The following CUX2 variants were observed in gnomAD, a reference collection of about 807,000 sequenced individuals.
CUX2 encodes the protein homeobox protein cut-like 2.
In CUX2, 40 loss-of-function variants were observed where a neutral mutation model predicts 144.8. The observed-to-expected ratio is 0.28, with a 90% CI of 0.21 to 0.36. The LOEUF is 0.36. Among genes scored for constraint, CUX2 ranks in the 10% least tolerant of loss-of-function variants. The pLI, the probability that CUX2 is intolerant of heterozygous loss-of-function variation, is 1.00. For missense variants in CUX2, 1,615 were observed against 1,994.0 expected, an observed-to-expected ratio of 0.81 and a Z score of 3.62; for synonymous variants, 827 against 875.6, an observed-to-expected ratio of 0.94 and a Z score of 0.98.
At chr12:111,148,097 T>C (rs1876811760) in intron 1 of CUX2, among the ~76,000 whole-genome samples, 1 of 152,202 alleles carries the variant, frequency 6.6e-6, no homozygotes, top group Middle Eastern at 3.2e-3. Flanking sequence ...CAGCAGCATT[T>C]TTCACAAGAG....
chr12:111,122,003 C>T (rs1030363047), intron 1 of CUX2, among the ~76,000 whole-genome samples: 1 of 152,124 alleles, frequency 6.6e-6, no homozygotes, highest in Admixed American at 6.5e-5. Context: ...AAAACACCAT[C>T]CTCCATCCCT....
intron 1 of CUX2, among the ~76,000 whole-genome samples, chr12:111,163,146 C>T (rs1043956916): frequency 6.6e-6 from 1 of 152,110 alleles, no homozygotes; most frequent in South Asian, 2.1e-4. Context: ...CACTCCTAAC[C>T]TCTTCATGCC....
chr12:111,049,535 G>T (rs1490588798), intron 1 of CUX2, among the ~76,000 whole-genome samples: 1 of 152,262 alleles, frequency 6.6e-6, no homozygotes, highest in South Asian at 2.1e-4. Flanking sequence ...GAGCTGTGGG[G>T]AACAAGAGGG....
chr12:111,248,107 G>A (rs1480687106), intron 3 of CUX2, among the ~76,000 whole-genome samples: 1 of 152,082 alleles, frequency 6.6e-6, no homozygotes, highest in African/African-American at 2.4e-5. Flanking sequence ...CACCATGTTG[G>A]CCAGGCTGGT....
intron 1 of CUX2, chr12:111,099,866 C>T (rs1225515081): frequency 2.3e-6 from 1 of 431,358 alleles, no homozygotes; most frequent in African/African-American, 2.0e-5. Flanking sequence ...CCGTCTGGCT[C>T]AATCGAGAGC....
intron 1 of CUX2, among the ~76,000 whole-genome samples, chr12:111,108,852 A>C (rs1038584640): frequency 6.6e-6 from 1 of 151,818 alleles, no homozygotes; most frequent in Non-Finnish European, 1.5e-5. Flanking sequence ...GTGCATCTTC[A>C]TGGTGTCATT....
At position 111,312,664 on chromosome 12, in the gene CUX2, C is replaced by T. The variant is rs913409786; in HGVS notation, c.2002+463C>T. Among the ~76,000 whole-genome samples the T allele has an allele frequency of 2.0e-5, 3 of 151,998 alleles. No individual in the cohort carries two copies. The highest frequency in any genetic ancestry group is 2.0e-4 in the Admixed American group (3 of 15,272). On this transcript the variant is annotated intron_variant, in intron 16 of 21. Coordinates refer to ENST00000261726, the MANE Select transcript of CUX2 (RefSeq NM_015267.4). The surrounding 1 kb of genome is among the most constrained non-coding windows in gnomAD (Gnocchi z 4.3). Reference sequence around the variant, plus strand: ...GCAGTGAGCCGAGATCACACCACTGCACTCCAGCCTAGGTGACAAAGCAAG... The same window carrying T: ...GCAGTGAGCCGAGATCACACCACTGTACTCCAGCCTAGGTGACAAAGCAAG...
intron 1 of CUX2, among the ~76,000 whole-genome samples, chr12:111,090,810 C>G (rs1413751626): frequency 6.6e-6 from 1 of 152,068 alleles, no homozygotes; most frequent in Non-Finnish European, 1.5e-5. Flanking sequence ...AACAGAGATG[C>G]TACTTCTCAC....
intron 19 of CUX2, among the ~76,000 whole-genome samples, chr12:111,336,942 A>G (rs1251164885): frequency 1.3e-5 from 2 of 151,896 alleles, no homozygotes; most frequent in Non-Finnish European, 2.9e-5. Context: ...TGGGAGGCCG[A>G]GGCGGGAGGA....
Position 111,035,362 on chromosome 12 carries a change from C to T in CUX2, c.63+1122C>T, listed in dbSNP as rs750808437. Among the ~76,000 whole-genome samples, 4 of 152,294 alleles carry T rather than the reference C, an allele frequency of 2.6e-5. No homozygotes were observed. The highest frequency in any genetic ancestry group is 3.4e-3 in the Middle Eastern group (1 of 292). On this transcript the variant is annotated intron_variant, in intron 1 of 21. Transcript: ENST00000261726. This position sits in a 1 kb window ranked among gnomAD's most constrained non-coding sequence, Gnocchi z 6.0. The stretch of plus-strand genomic sequence containing the variant: ...GTGTTCTCTGCGGACCCCGTAGGAG[C>T]CGGGGCTGGGAGGTGGAATCTCAGA...
At chr12:111,285,697 ATTTTT>A (rs1885345241) in intron 4 of CUX2, among the ~76,000 whole-genome samples, 1 of 151,842 alleles carries the variant, frequency 6.6e-6, no homozygotes, top group Admixed American at 6.6e-5. Context: ...CAGTGCCTCC[ATTTTT>A]CCGTGTGGGA....
chr12:111,291,463 T>G lies in CUX2; in HGVS notation c.347T>G (p.Leu116Arg). The change falls in exon 5 of 22, where the codon CTG becomes CGG. Residue 116 changes from leucine to arginine, a missense_variant. Leu to Arg is a moderately radical substitution (Grantham distance 102). This residue lies in a region of CUX2 where 295 missense variants were observed against 400.2 expected (regional missense o/e 0.74). Transcript: ENST00000261726. Reference protein sequence around the residue: ...FEAARSLDDRLQPPSFDPSGQ... With the variant: ...FEAARSLDDRRQPPSFDPSGQ... ...GCGGCACGCAGCCTAGACGACAGACTGCAGCCCCCCAGCTTTGACCCCAGT... is the reference window on the plus strand; with the variant it reads ...GCGGCACGCAGCCTAGACGACAGACGGCAGCCCCCCAGCTTTGACCCCAGT... 2 of 1,612,834 alleles carry G rather than the reference T, an allele frequency of 1.2e-6. No individual in the cohort carries two copies. Among genetic ancestry groups the G allele is most frequent in the Non-Finnish European group, 1.7e-6 (2 of 1,179,408 alleles).
At chr12:111,342,105 C>T (rs774146582) in intron 21 of CUX2, 52 bp downstream of exon 21, 2 of 1,557,680 alleles carry the variant, frequency 1.3e-6, no homozygotes, top group Admixed American at 1.8e-5. Flanking sequence ...CAGGTGGGAC[C>T]CCTTCCCCAT....
intron 1 of CUX2, among the ~76,000 whole-genome samples, chr12:111,202,705 G>T (rs549956877): frequency 6.6e-6 from 1 of 152,306 alleles, no homozygotes; most frequent in Admixed American, 6.5e-5. Flanking sequence ...GGCAGGGAAA[G>T]CAGGCAATAA....
intron 3 of CUX2, among the ~76,000 whole-genome samples, chr12:111,257,423 C>T (rs1271761958): frequency 8.6e-3 from 98 of 11,396 alleles, no homozygotes; most frequent in Non-Finnish European, 0.019. Context: ...TTCTTCCTCC[C>T]CCTCCCACTT....
At chr12:111,248,654 C>A (rs569939660) in intron 3 of CUX2, among the ~76,000 whole-genome samples, 15 of 152,238 alleles carry the variant, frequency 9.9e-5, no homozygotes, top group Non-Finnish European at 1.9e-4. Context: ...TCGGTCTAGG[C>A]CACAGAGAAA....
intron 3 of CUX2, among the ~76,000 whole-genome samples, chr12:111,247,502 C>T (rs905001391): frequency 6.6e-6 from 1 of 152,230 alleles, no homozygotes; most frequent in African/African-American, 2.4e-5. Context: ...CTTGGGATCC[C>T]TGCAGCCTTC....
In CUX2 at chr12:111,295,278, C is replaced by A; in HGVS notation, c.561-55C>A. The A allele has an allele frequency of 6.4e-7, 1 of 1,570,914 alleles. No homozygotes were observed. The highest frequency in any genetic ancestry group is 1.2e-5 in the South Asian group (1 of 86,640). ...AGCAAGATGGGGCTCGACTCGGGGG[C>A]CCCAGGCAAGGCCTGTCCCTGCAGC... is the stretch of plus-strand genomic sequence containing the variant. On this transcript the variant is annotated intron_variant, in intron 6 of 21. Transcript: ENST00000261726. The surrounding 1 kb of genome is among the most constrained non-coding windows in gnomAD (Gnocchi z 5.0).
intron 1 of CUX2, among the ~76,000 whole-genome samples, chr12:111,156,295 T>TC (rs1343129825): frequency 6.6e-6 from 1 of 152,150 alleles, no homozygotes; most frequent in Non-Finnish European, 1.5e-5. Flanking sequence ...TCTAAGATGT[T>TC]CCCCTTTTCT....
Sources: allele counts gnomAD v4.1 joint callset (sites outside exome capture counted in the v4.1 genomes callset), GRCh38; gene constraint gnomAD v4.1.1; regional missense constraint gnomAD v4.1.1; non-coding constraint Gnocchi (gnomAD v3.1); transcripts MANE v1.5; gene names NCBI Gene and HGNC (gene_info 2026-07-23, HGNC 2026-07-21).